The following ZSCAN2 variants were observed in gnomAD, a reference collection of about 807,000 sequenced individuals.
ZSCAN2 encodes zinc finger and SCAN domain-containing protein 2.
ZSCAN2 carries 26 observed loss-of-function variants against 47.8 expected under a neutral mutation model. The ratio of observed to expected loss-of-function variants is 0.54; its 90% CI spans 0.40 to 0.75. ZSCAN2 has a LOEUF of 0.75. Ranked by LOEUF, ZSCAN2 falls within the 30% of genes least tolerant of loss-of-function variation. The probability of loss-of-function intolerance (pLI) is 0.00; values close to 1 mark genes in which losing one functional copy is unlikely to be tolerated. For missense variants in ZSCAN2, 732 were observed against 785.4 expected, an observed-to-expected ratio of 0.93 and a Z score of 0.81; for synonymous variants, 305 against 288.7, an observed-to-expected ratio of 1.06 and a Z score of -0.57.
At position 84,604,311 on chromosome 15, in the gene ZSCAN2, G is replaced by A. The variant is rs771777822; in HGVS notation, c.384G>A (p.Leu128=). 3 of 1,612,098 alleles carry A rather than the reference G, an allele frequency of 1.9e-6. No individual in the cohort carries two copies. Among genetic ancestry groups the A allele is most frequent in the Non-Finnish European group, 2.5e-6 (3 of 1,178,936 alleles). Residue 128 remains leucine, a synonymous_variant, in exon 2 of 3, where the codon TTG becomes TTA. Transcript: ENST00000546148. ...AGGCAGCGGCCCTGGTGGAAGACTTGACCCAGACCCTTCAGGACAGTGGTG... is the reference window on the plus strand; with the variant it reads ...AGGCAGCGGCCCTGGTGGAAGACTTAACCCAGACCCTTCAGGACAGTGGTG... ...SEEAAALVED[L]TQTLQDSDFE...
intron 1 of ZSCAN2, among the ~76,000 whole-genome samples, 168 bp from the exon 2 acceptor site, chr15:84,603,650 CCA>C (rs1348025822): frequency 6.6e-6 from 1 of 152,062 alleles, no homozygotes; most frequent in East Asian, 1.9e-4. Context: ...CCTTCTTTTA[CCA>C]CAGAGAGATG....
chr15:84,605,374 G>A (rs887660676), intron 2 of ZSCAN2, among the ~76,000 whole-genome samples: 5 of 152,182 alleles, frequency 3.3e-5, no homozygotes, highest in East Asian at 1.9e-4. Flanking sequence ...AGAAGGGAGC[G>A]TGGAGAGGAA....
chr15:84,602,150 C>CG (rs1895224605), intron 1 of ZSCAN2: 1 of 151,888 alleles, frequency 6.6e-6, no homozygotes, highest in Non-Finnish European at 1.5e-5. Flanking sequence ...GAGGTTTCTC[C>CG]GTGTTGGTCA....
At chr15:84,610,545 G>A (rs1895517125) in intron 2 of ZSCAN2, among the ~76,000 whole-genome samples, 1 of 145,146 alleles carries the variant, frequency 6.9e-6, no homozygotes. Flanking sequence ...CTGGAGTGCA[G>A]TGGCGCCATC....
intron 2 of ZSCAN2, chr15:84,606,490 T>C: frequency 6.6e-7 from 1 of 1,519,016 alleles, no homozygotes; most frequent in Non-Finnish European, 9.1e-7. Context: ...ATTTTATTCC[T>C]TCTATTAAAA....
chr15:84,621,885 G>A lies in ZSCAN2; in HGVS notation c.1690G>A (p.Gly564Arg), dbSNP rs746966787. Residue 564 changes from glycine to arginine, a missense_variant, in exon 3 of 3, where the codon GGG (glycine) becomes AGG (arginine). Physicochemically the swap from Gly to Arg is moderately radical, Grantham distance 125 (BLOSUM62 -2). Coordinates refer to ENST00000546148, the MANE Select transcript of ZSCAN2 (RefSeq NM_181877.4). The surrounding 1 kb of genome is among the most constrained non-coding windows in gnomAD (Gnocchi z 5.7). ...GDKPYRCPEC[G>R]KGFSWNSVLI... Reference sequence around the variant, plus strand: ...CAAGCCCTACAGGTGCCCTGAGTGTGGGAAAGGCTTTAGCTGGAACTCAGT... The same window carrying A: ...CAAGCCCTACAGGTGCCCTGAGTGTAGGAAAGGCTTTAGCTGGAACTCAGT... The A allele has an allele frequency of 6.2e-7, 1 of 1,614,228 alleles. No individual in the cohort carries two copies. The highest frequency in any genetic ancestry group is 8.5e-7 in the Non-Finnish European group (1 of 1,180,034).
chr15:84,610,015 G>A (rs968913807), intron 2 of ZSCAN2, among the ~76,000 whole-genome samples: 5 of 152,220 alleles, frequency 3.3e-5, no homozygotes, highest in African/African-American at 7.2e-5. Context: ...GAACGGCCAC[G>A]GGAATTTGTG....
At chr15:84,611,429 TG>T (rs1213251702) in intron 2 of ZSCAN2, among the ~76,000 whole-genome samples, 1 of 152,004 alleles carries the variant, frequency 6.6e-6, no homozygotes, top group East Asian at 1.9e-4. Context: ...CACTCCAGCC[TG>T]GGAGACAGTG....
intron 2 of ZSCAN2, 45 bp from the exon 3 acceptor site, chr15:84,620,557 A>C: frequency 2.7e-6 from 4 of 1,489,818 alleles, no homozygotes; most frequent in Non-Finnish European, 3.7e-6. Context: ...TGTCATCATG[A>C]CAGGGAGTTG....
At position 84,609,929 on chromosome 15, in the gene ZSCAN2, G is replaced by T. The variant is rs1895495655; in HGVS notation, c.406+5596G>T. Among the ~76,000 whole-genome samples the T allele has an allele frequency of 3.3e-5, 5 of 152,228 alleles. No individual in the cohort carries two copies. The South Asian group carries it at 1.0e-3, about 32-fold the overall frequency. ...CCCTATTGACATGAGTCTTCCCCAT[G>T]TTCATTCTGGTATGCTCTATGGTGC... is the stretch of plus-strand genomic sequence containing the variant. On this transcript the variant is annotated intron_variant, in intron 2 of 2. Coordinates refer to ENST00000546148, the MANE Select transcript of ZSCAN2 (RefSeq NM_181877.4).
At chr15:84,601,734 C>G (rs1442079404) in intron 1 of ZSCAN2, among the ~76,000 whole-genome samples, 2 of 151,772 alleles carry the variant, frequency 1.3e-5, no homozygotes, top group South Asian at 2.1e-4. Context: ...TTTGTAGAGA[C>G]TGGGTCTCAC....
At chr15:84,618,744 A>C (rs1389779678) in intron 2 of ZSCAN2, among the ~76,000 whole-genome samples, 2 of 151,766 alleles carry the variant, frequency 1.3e-5, no homozygotes, top group African/African-American at 2.4e-5. Context: ...TTGTATTTTT[A>C]TTAGAGACGG....
At chr15:84,615,517 G>C (rs1157116468) in intron 2 of ZSCAN2, among the ~76,000 whole-genome samples, 5 of 152,096 alleles carry the variant, frequency 3.3e-5, no homozygotes, top group Admixed American at 2.6e-4. Flanking sequence ...TTTTTGTAGA[G>C]ATGGGGTGTT....
chr15:84,604,250 C>T lies in ZSCAN2; in HGVS notation c.323C>T (p.Ala108Val). The T allele has an allele frequency of 1.2e-6, 2 of 1,614,144 alleles. No individual in the cohort carries two copies. Among genetic ancestry groups the T allele is most frequent in the Non-Finnish European group, 1.7e-6 (2 of 1,180,014 alleles). The change falls in exon 2 of 3, where the codon GCT becomes GTT. Residue 108 changes from alanine to valine, a missense_variant. By Grantham distance (64) the Ala-to-Val change is moderately conservative. Transcript: ENST00000546148. Reference protein sequence around the residue: ...MLTMLPKEIQAWLQEHRPESS... With the variant: ...MLTMLPKEIQVWLQEHRPESS... ...ACCATGCTGCCAAAGGAAATTCAGG[C>T]TTGGCTGCAAGAGCATCGGCCTGAA...
chr15:84,613,923 G>A (rs185588272), intron 2 of ZSCAN2, among the ~76,000 whole-genome samples: 14 of 138,756 alleles, frequency 1.0e-4, no homozygotes, highest in East Asian at 2.3e-4. Flanking sequence ...CTTGCGATCC[G>A]CCCACCTCTG....
intron 2 of ZSCAN2, among the ~76,000 whole-genome samples, chr15:84,620,357 G>C (rs2141798363): frequency 6.6e-6 from 1 of 152,224 alleles, no homozygotes; most frequent in South Asian, 2.1e-4. Context: ...TGGGCATTTG[G>C]GTTGATTCTA....
chr15:84,616,702 A>T, intron 2 of ZSCAN2: 1 of 1,029,510 alleles, frequency 9.7e-7, no homozygotes, highest in Non-Finnish European at 1.2e-6. Context: ...TACCTATTCA[A>T]TTACTAAAAT....
rs761562959 is a variant in ZSCAN2 at position 84,604,163 on chromosome 15, G to A, written c.236G>A (p.Arg79His). ...AGGGGACCACAGGGTGCACTCGGCC[G>A]CCTCCGAGAGCTCTGCCGGCGCTGG... ...VTRGPQGALG[R>H]LRELCRRWLR... The change falls in exon 2 of 3, where the codon CGC becomes CAC. Residue 79 changes from arginine to histidine, a missense_variant. Physicochemically the swap from Arg to His is conservative, Grantham distance 29 (BLOSUM62 0). This residue lies in a region of ZSCAN2 where 320 missense variants were observed against 287.4 expected (regional missense o/e 1.11). Coordinates refer to ENST00000546148, the MANE Select transcript of ZSCAN2 (RefSeq NM_181877.4). 3.2e-5 allele frequency: 51 copies of A among 1,613,390 alleles called. 1 individual carries two copies. The highest frequency in any genetic ancestry group is 9.9e-5 in the South Asian group (9 of 91,022).
At chr15:84,617,003 T>C (rs1212818063) in intron 2 of ZSCAN2, among the ~76,000 whole-genome samples, 2 of 152,062 alleles carry the variant, frequency 1.3e-5, no homozygotes, top group Non-Finnish European at 2.9e-5. Context: ...ATGCCTGTAA[T>C]CCCAGTTAAT....
Sources: gnomAD v4.1 joint callset for allele counts (sites outside exome capture counted in the v4.1 genomes callset) on GRCh38, gnomAD v4.1.1 for gene constraint, gnomAD v4.1.1 regional missense constraint, Gnocchi (gnomAD v3.1) non-coding constraint, MANE v1.5 for transcripts, NCBI Gene and HGNC (gene_info 2026-07-23, HGNC 2026-07-21) for gene names.